The following PCDHGA5 variants were observed in gnomAD, a reference collection of about 807,000 sequenced individuals.
PCDHGA5 encodes protocadherin gamma subfamily A, 5, also known as protocadherin gamma-A5.
PCDHGA5 carries 36 observed loss-of-function variants against 56.7 expected under a neutral mutation model. The observed-to-expected ratio is 0.64, with a 90% confidence interval of 0.49 to 0.84. PCDHGA5 has a LOEUF of 0.84. Among genes scored for constraint, PCDHGA5 ranks in the 40% least tolerant of loss-of-function variants. PCDHGA5 has a pLI of 0.00. For synonymous variants in PCDHGA5, 563 were observed against 520.2 expected (o/e 1.08, Z -1.12); for missense variants, 1,305 against 1,201.5 (o/e 1.09, Z -1.27).
At chr5:141,483,967 G>C (rs2099589454) in intron 1 of PCDHGA5, among the ~76,000 whole-genome samples, 1 of 149,276 alleles carries the variant, frequency 6.7e-6, no homozygotes, top group African/African-American at 2.5e-5. Flanking sequence ...TTCTGTGCTT[G>C]TGCAAGGGAG....
chr5:141,427,105 A>C (rs1413188668), intron 1 of PCDHGA5: 1 of 457,776 alleles, frequency 2.2e-6, no homozygotes, highest in Non-Finnish European at 4.4e-6. Flanking sequence ...GTCAATGCGG[A>C]GATCACCTAC....
At chr5:141,369,149 A>T (rs955742773) in intron 1 of PCDHGA5, among the ~76,000 whole-genome samples, 2 of 152,224 alleles carry the variant, frequency 1.3e-5, no homozygotes, top group African/African-American at 4.8e-5. Flanking sequence ...ATGGCATGTT[A>T]TTGACCAGGG....
chr5:141,403,254 G>A (rs2094383546), intron 1 of PCDHGA5: 3 of 1,613,830 alleles, frequency 1.9e-6, no homozygotes, highest in Non-Finnish European at 2.5e-6. Flanking sequence ...CAGAGCCCGC[G>A]GTGTCTGGTG....
chr5:141,435,795 G>A (rs150143106), intron 1 of PCDHGA5, among the ~76,000 whole-genome samples: 16 of 152,032 alleles, frequency 1.1e-4, no homozygotes, highest in Admixed American at 2.0e-4. Flanking sequence ...GAAACATAAC[G>A]TCCCAATTAT....
At chr5:141,470,242 T>C (rs1301513342) in intron 1 of PCDHGA5, among the ~76,000 whole-genome samples, 1 of 152,344 alleles carries the variant, frequency 6.6e-6, no homozygotes, top group South Asian at 2.1e-4. Flanking sequence ...CCCTTGAATG[T>C]CCCACCTGTC....
chr5:141,371,081 G>T, intron 1 of PCDHGA5: 11 of 1,613,852 alleles, frequency 6.8e-6, no homozygotes, highest in Non-Finnish European at 9.3e-6. Context: ...CCCAGATCAG[G>T]GTAATTGTCG....
At chr5:141,470,723 G>T (rs1326927605) in intron 1 of PCDHGA5, among the ~76,000 whole-genome samples, 1 of 151,852 alleles carries the variant, frequency 6.6e-6, no homozygotes, top group East Asian at 1.9e-4. Flanking sequence ...TTTGAGTCAG[G>T]GTCTTGCTCT....
In PCDHGA5 at chr5:141,487,258, G is replaced by T. The variant is rs368598017; in HGVS notation, c.2422-7549G>T. On this transcript the variant is annotated intron_variant, in intron 1 of 3. Transcript: ENST00000518069. The surrounding 1 kb of genome is among the most constrained non-coding windows in gnomAD (Gnocchi z 5.0). ...CTCGTCTAACCCTCTACTTGGCTGT[G>T]TCCCTAGTGGCAATTTGCTTTGTCT... 1.5e-4 allele frequency: 240 copies of T among 1,614,026 alleles called. 1 individual carries two copies. The highest frequency in any genetic ancestry group is 3.3e-5 in the Admixed American group (2 of 60,004).
At chr5:141,423,499 G>T (rs1590485367) in intron 1 of PCDHGA5, 1 of 1,613,966 alleles carries the variant, frequency 6.2e-7, no homozygotes, top group Non-Finnish European at 8.5e-7. Context: ...TTCCCACGAG[G>T]TCTCTCTCAT....
At chr5:141,387,197 T>C (rs1417433412) in intron 1 of PCDHGA5, among the ~76,000 whole-genome samples, 1 of 152,220 alleles carries the variant, frequency 6.6e-6, no homozygotes, top group East Asian at 1.9e-4. Flanking sequence ...AATTTTGGTA[T>C]TACTGATACT....
intron 1 of PCDHGA5, chr5:141,415,888 T>C: frequency 1.1e-6 from 1 of 940,220 alleles, no homozygotes; most frequent in South Asian, 2.9e-5. Flanking sequence ...ATATTGACAA[T>C]TCCTAAGACA....
chr5:141,415,039 G>A (rs761101620), intron 1 of PCDHGA5: 1 of 1,613,486 alleles, frequency 6.2e-7, no homozygotes, highest in South Asian at 1.1e-5. Context: ...GGGACTCTTC[G>A]CGGTGGGGGA....
At chr5:141,423,785 A>G (rs531378008) in intron 1 of PCDHGA5, 48 of 1,269,536 alleles carry the variant, frequency 3.8e-5, no homozygotes, top group Non-Finnish European at 4.4e-5. Context: ...TTTAGTTCAT[A>G]TATATTTAGA....
At chr5:141,409,868 A>G in intron 1 of PCDHGA5, 2 of 1,612,688 alleles carry the variant, frequency 1.2e-6, no homozygotes, top group South Asian at 1.1e-5. Context: ...GGGAGACCGC[A>G]ATGACAACGC....
intron 1 of PCDHGA5, chr5:141,414,361 T>G: frequency 6.2e-7 from 1 of 1,613,876 alleles, no homozygotes; most frequent in Non-Finnish European, 8.5e-7. Context: ...GTATCTACCA[T>G]TTAAATTAGA....
chr5:141,413,630 C>T (rs746896115), intron 1 of PCDHGA5: 2 of 1,613,692 alleles, frequency 1.2e-6, no homozygotes, highest in Admixed American at 3.3e-5. Flanking sequence ...AATGTCGCTG[C>T]GGGAATGCGT....
At chr5:141,419,686 G>A (rs551990092) in intron 1 of PCDHGA5, 2 of 1,612,760 alleles carry the variant, frequency 1.2e-6, no homozygotes, top group Non-Finnish European at 1.7e-6. Flanking sequence ...ACCACGTGGT[G>A]CAGGCCAGTG....
chr5:141,368,738 T>C (rs1765827901), intron 1 of PCDHGA5, among the ~76,000 whole-genome samples: 1 of 152,208 alleles, frequency 6.6e-6, no homozygotes, highest in Non-Finnish European at 1.5e-5. Flanking sequence ...GTATATACCA[T>C]ATACTTTTAA....
At position 141,408,036 on chromosome 5, in the gene PCDHGA5, A is replaced by G. The variant is rs941133513; in HGVS notation, c.2421+41285A>G. On this transcript the variant is annotated intron_variant, in intron 1 of 3. Coordinates refer to ENST00000518069, the MANE Select transcript of PCDHGA5 (RefSeq NM_018918.3). ...AGCCAACAACAGAAAGAAGAAAACC[A>G]GCTCCCACACAGAGCCTCCCGGCTG... 7.9e-6 allele frequency: 9 copies of G among 1,132,718 alleles called. No individual in the cohort carries two copies. In the African/African-American group the frequency reaches 1.4e-4, roughly 18 times the overall value. The allele number at this position is 1,132,718 out of a possible 1,614,324, so 70.2% of individuals were successfully genotyped here. A position where few individuals can be genotyped will look rare whatever the true frequency, so the allele number is the denominator to read the frequency against.
Sources: gnomAD v4.1 joint callset for allele counts (sites outside exome capture counted in the v4.1 genomes callset) on GRCh38, gnomAD v4.1.1 for gene constraint, Gnocchi (gnomAD v3.1) non-coding constraint, MANE v1.5 for transcripts, NCBI Gene and HGNC (gene_info 2026-07-23, HGNC 2026-07-21) for gene names.